The following TENM2 variants were observed in gnomAD, a reference collection of about 807,000 sequenced individuals.
TENM2 encodes teneurin transmembrane protein 2.
In TENM2, 52 loss-of-function variants were observed where a neutral mutation model predicts 245.2. The observed-to-expected ratio is 0.21, with a 90% CI of 0.17 to 0.27. The LOEUF (loss-of-function observed/expected upper bound fraction) is 0.27. Ranked by LOEUF, TENM2 falls within the 10% of genes least tolerant of loss-of-function variation. The pLI, the probability that TENM2 is intolerant of heterozygous loss-of-function variation, is 1.00. For synonymous variants in TENM2, 1,363 were observed against 1,438.9 expected, an observed-to-expected ratio of 0.95 and a Z score of 1.19; for missense variants, 3,046 against 3,666.8, an observed-to-expected ratio of 0.83 and a Z score of 4.37.
At chr5:168,051,704 C>T (rs180968013) in intron 6 of TENM2, among the ~76,000 whole-genome samples, 1 of 152,328 alleles carries the variant, frequency 6.6e-6, no homozygotes, top group Admixed American at 6.5e-5. Context: ...AGCTCCATCA[C>T]TTAGCAACTG....
chr5:167,848,619 T>C (rs112734803), intron 2 of TENM2, among the ~76,000 whole-genome samples: 231 of 152,362 alleles, frequency 1.5e-3, no homozygotes, highest in African/African-American at 4.9e-3. Context: ...ATCCTCTTAA[T>C]GATTTCTCGG....
chr5:167,193,953 A>T, the TENM2 span, among the ~76,000 whole-genome samples: 7 of 152,074 alleles, frequency 4.6e-5, no homozygotes, highest in African/African-American at 1.4e-4. Flanking sequence ...GAGGAAACTG[A>T]GAGTCTCAAA....
the TENM2 span, among the ~76,000 whole-genome samples, chr5:167,166,019 A>G: frequency 6.6e-6 from 1 of 152,216 alleles, no homozygotes; most frequent in Non-Finnish European, 1.5e-5. Context: ...GAATATTCAT[A>G]TATTCTCATA....
chr5:168,179,183 G>A (rs1759638024), intron 13 of TENM2, among the ~76,000 whole-genome samples: 1 of 148,706 alleles, frequency 6.7e-6, no homozygotes, highest in African/African-American at 2.5e-5. Flanking sequence ...CAACCAACAT[G>A]TGAATCATGA....
intron 7 of TENM2, among the ~76,000 whole-genome samples, chr5:168,076,533 T>A (rs1791493613): frequency 1.3e-5 from 2 of 152,122 alleles, no homozygotes; most frequent in Non-Finnish European, 2.9e-5. Context: ...TGGTTTGCTT[T>A]ATTTTTTACT....
At chr5:168,035,069 A>G (rs1219682220) in intron 5 of TENM2, among the ~76,000 whole-genome samples, 1 of 152,196 alleles carries the variant, frequency 6.6e-6, no homozygotes, top group Admixed American at 6.5e-5. Flanking sequence ...CAGATTTTGA[A>G]GACTTAGTGC....
intron 2 of TENM2, among the ~76,000 whole-genome samples, chr5:167,651,771 C>T (rs1021817559): frequency 1.3e-5 from 2 of 152,020 alleles, no homozygotes; most frequent in African/African-American, 4.8e-5. Context: ...CTCTTTGGTC[C>T]AATATAGGTC....
chr5:167,665,494 C>T (rs571725047), intron 2 of TENM2, among the ~76,000 whole-genome samples: 2 of 152,064 alleles, frequency 1.3e-5, no homozygotes, highest in Non-Finnish European at 2.9e-5. Context: ...TTATGGATTC[C>T]AGTATGTACT....
At chr5:167,831,892 T>G (rs546389530) in intron 2 of TENM2, among the ~76,000 whole-genome samples, 78 of 152,222 alleles carry the variant, frequency 5.1e-4, no homozygotes, top group African/African-American at 1.8e-3. Flanking sequence ...GATTTCCACA[T>G]GCAGCCGTGC....
chr5:167,088,824 G>C, the TENM2 span, among the ~76,000 whole-genome samples: 2 of 152,074 alleles, frequency 1.3e-5, no homozygotes, highest in Non-Finnish European at 2.9e-5. Context: ...AAACTTAAGA[G>C]GTAATTAATA....
chr5:168,198,269 C>T (rs1473298172), intron 15 of TENM2, among the ~76,000 whole-genome samples: 1 of 150,924 alleles, frequency 6.6e-6, no homozygotes, highest in Non-Finnish European at 1.5e-5. Context: ...AATCTCGGCC[C>T]ACTGCAACCT....
intron 2 of TENM2, among the ~76,000 whole-genome samples, chr5:167,404,383 C>G (rs1396791793): frequency 6.6e-6 from 1 of 152,074 alleles, no homozygotes; most frequent in Non-Finnish European, 1.5e-5. Context: ...GAAGATTCTT[C>G]ATAACGCTAG....
At position 167,612,195 on chromosome 5, in the gene TENM2, A is replaced by G. The variant is rs545502450; in HGVS notation, c.502+236722A>G. Among the ~76,000 whole-genome samples the G allele has an allele frequency of 3.9e-5, 6 of 152,170 alleles. No individual in the cohort carries two copies. In the East Asian group the frequency reaches 1.2e-3, roughly 29 times the overall value. Reference sequence around the variant, plus strand: ...TGCCCACCACAACCCCCAGCTCACAACAGCACAATGTGTCCTAAATAGAGC... The same window carrying G: ...TGCCCACCACAACCCCCAGCTCACAGCAGCACAATGTGTCCTAAATAGAGC... On this transcript the variant is annotated intron_variant, in intron 2 of 28. Coordinates refer to ENST00000518659, the Ensembl canonical transcript of TENM2.
At chr5:167,431,356 C>A (rs1312538867) in intron 2 of TENM2, among the ~76,000 whole-genome samples, 1 of 151,966 alleles carries the variant, frequency 6.6e-6, no homozygotes, top group East Asian at 1.9e-4. Context: ...GCAAAGAAGG[C>A]AGGAAAAATA....
chr5:167,446,789 A>C (rs1437044471), intron 2 of TENM2, among the ~76,000 whole-genome samples: 2 of 80,108 alleles, frequency 2.5e-5, no homozygotes, highest in South Asian at 5.4e-4. Flanking sequence ...AGTTTTTGAA[A>C]CACGCACACA....
the TENM2 span, among the ~76,000 whole-genome samples, chr5:167,270,158 A>T: frequency 1.3e-5 from 2 of 152,172 alleles, no homozygotes; most frequent in African/African-American, 2.4e-5. Context: ...GTAGAATATC[A>T]AATGGGTTAT....
chr5:167,103,103 A>T, the TENM2 span, among the ~76,000 whole-genome samples: 51 of 152,352 alleles, frequency 3.3e-4, no homozygotes, highest in Middle Eastern at 3.4e-3. Context: ...ATGTACAAAT[A>T]ATATATTTGA....
At chr5:167,224,493 G>A in the TENM2 span, among the ~76,000 whole-genome samples, 8 of 151,942 alleles carry the variant, frequency 5.3e-5, no homozygotes, top group Non-Finnish European at 7.4e-5. Flanking sequence ...AGATCAGCTG[G>A]CTGTAAGTAT....
chr5:167,328,204 G>GTTTTTTTTTTTTTTTTTTT (rs70976412), intron 1 of TENM2, among the ~76,000 whole-genome samples: 1 of 91,016 alleles, frequency 1.1e-5, no homozygotes, highest in African/African-American at 4.8e-5. Context: ...TTCTCATATC[G>GTTTTTTTTTTTTTTTTTTT]TTTTTTTTTT....
Sources: allele counts gnomAD v4.1 joint callset (sites outside exome capture counted in the v4.1 genomes callset), GRCh38; gene constraint gnomAD v4.1.1; transcripts MANE v1.5; gene names NCBI Gene and HGNC (gene_info 2026-07-23, HGNC 2026-07-21).